Variants in MED12L observed in about 807,000 individuals in gnomAD.
The protein encoded by MED12L is mediator of RNA polymerase II transcription subunit 12-like protein.
MED12L carries 60 observed loss-of-function variants against 281.3 expected under a neutral mutation model. The observed-to-expected ratio is 0.21, with a 90% CI of 0.17 to 0.26. MED12L has a LOEUF of 0.26. Ranked by LOEUF, MED12L falls within the 10% of genes least tolerant of loss-of-function variation. MED12L has a pLI of 1.00. For missense variants in MED12L, 2,146 were observed against 2,680.9 expected (o/e 0.80, Z 4.41); for synonymous variants, 974 against 987.2 (o/e 0.99, Z 0.25).
At chr3:151,098,993 A>G (rs1213694003) in intron 2 of MED12L, among the ~76,000 whole-genome samples, 1 of 151,942 alleles carries the variant, frequency 6.6e-6, no homozygotes, top group Non-Finnish European at 1.5e-5. Flanking sequence ...AACCAAGTGA[A>G]AGGGAAAACC....
At chr3:151,334,076 C>CA (rs555191237) in intron 16 of MED12L, among the ~76,000 whole-genome samples, 86 of 146,016 alleles carry the variant, frequency 5.9e-4, no homozygotes, top group Non-Finnish European at 9.2e-4. Context: ...GACTCTATCT[C>CA]AAAAAAAAGA....
intron 16 of MED12L, among the ~76,000 whole-genome samples, chr3:151,341,912 AT>A (rs1230940560): frequency 6.6e-6 from 1 of 152,196 alleles, no homozygotes; most frequent in African/African-American, 2.4e-5. Flanking sequence ...TGAACTCATC[AT>A]TTTTTATGGC....
At chr3:151,275,884 A>G (rs1741768952) in intron 16 of MED12L, among the ~76,000 whole-genome samples, 2 of 152,142 alleles carry the variant, frequency 1.3e-5, no homozygotes, top group South Asian at 2.1e-4. Context: ...TTAGGAGGCA[A>G]TGCATCTTTT....
intron 16 of MED12L, among the ~76,000 whole-genome samples, chr3:151,312,232 A>C (rs766766263): frequency 1.3e-5 from 2 of 152,186 alleles, no homozygotes; most frequent in Non-Finnish European, 2.9e-5. Flanking sequence ...GAGTATAGCA[A>C]ATCCTCAAAT....
In MED12L at chr3:151,156,238, A is replaced by G. The variant is rs1300826085; in HGVS notation, c.634A>G (p.Thr212Ala). The change falls in exon 6 of 45, where the codon ACG (threonine) becomes GCG (alanine). Residue 212 changes from threonine to alanine, a missense_variant. Coordinates refer to ENST00000687756, the MANE Select transcript of MED12L (RefSeq NM_001393769.1). Reference protein sequence around the residue: ...ISDFYHMASSTGDGPVPVPPE... With the variant: ...ISDFYHMASSAGDGPVPVPPE... ...TGACTTTTACCACATGGCCTCCAGC[A>G]CGGGCGATGGCCCTGTCCCTGTGCC... 1.2e-6 allele frequency: 2 copies of G among 1,613,648 alleles called. No homozygotes were observed. Among genetic ancestry groups the G allele is most frequent in the Non-Finnish European group, 1.7e-6 (2 of 1,179,860 alleles).
At position 151,085,715 on chromosome 3, in the gene MED12L, C is replaced by G. The variant is rs1423697463; in HGVS notation, c.-351C>G. The G allele has an allele frequency of 1.3e-5, 2 of 152,100 alleles. No individual in the cohort carries two copies. Among genetic ancestry groups the G allele is most frequent in the Non-Finnish European group, 2.9e-5 (2 of 67,986 alleles). The allele number at this position is 152,100 out of a possible 1,614,324, so 9.4% of individuals were successfully genotyped here. On this transcript the variant is annotated 5_prime_UTR_variant, in exon 1 of 45. Coordinates refer to ENST00000687756, the MANE Select transcript of MED12L (RefSeq NM_001393769.1). Reference sequence around the variant, plus strand: ...GTCCGCCAACTCGGAAGCTCGCGCTCCCGGGCCGTGGGGGCGAGAACGCCG... The same window carrying G: ...GTCCGCCAACTCGGAAGCTCGCGCTGCCGGGCCGTGGGGGCGAGAACGCCG...
At chr3:151,334,083 A>C (rs1294671088) in intron 16 of MED12L, among the ~76,000 whole-genome samples, 1 of 152,116 alleles carries the variant, frequency 6.6e-6, no homozygotes, top group Non-Finnish European at 1.5e-5. Flanking sequence ...TCTCAAAAAA[A>C]AGAAAAAAAA....
intron 16 of MED12L, chr3:151,294,677 T>C (rs1744821739): frequency 3.7e-6 from 6 of 1,614,104 alleles, no homozygotes; most frequent in Middle Eastern, 1.6e-4. Context: ...TGAGCAGTCA[T>C]GGATATTGTC....
In MED12L at chr3:151,435,295, T is replaced by C. The variant is rs981068807; in HGVS notation, c.*2491T>C. On this transcript the variant is annotated 3_prime_UTR_variant, in exon 45 of 45. Transcript: ENST00000687756. ...TTGGATATAAGAAGCCCATAGACTCTCTTGTTTACACTGTAGGCTTTTTCT... is the reference window on the plus strand; with the variant it reads ...TTGGATATAAGAAGCCCATAGACTCCCTTGTTTACACTGTAGGCTTTTTCT... The C allele has an allele frequency of 6.6e-6, 1 of 152,110 alleles. No homozygotes were observed. Among genetic ancestry groups the C allele is most frequent in the African/African-American group, 2.4e-5 (1 of 41,406 alleles). 9.4% of individuals were successfully genotyped at this position (152,110 alleles called of 1,614,324 possible).
At chr3:151,294,241 A>C (rs745403866) in intron 16 of MED12L, 10 of 1,613,810 alleles carry the variant, frequency 6.2e-6, no homozygotes, top group Non-Finnish European at 8.5e-6. Flanking sequence ...TGATGCTTTC[A>C]CTCCTGGTTC....
At chr3:151,164,676 A>G (rs1176647093) in intron 9 of MED12L, among the ~76,000 whole-genome samples, 1 of 152,236 alleles carries the variant, frequency 6.6e-6, no homozygotes, top group Non-Finnish European at 1.5e-5. Context: ...ACCATAAAAA[A>G]TGATGAGTTC....
intron 16 of MED12L, among the ~76,000 whole-genome samples, chr3:151,242,480 CTG>C (rs1283132507): frequency 6.6e-6 from 1 of 151,994 alleles, no homozygotes; most frequent in East Asian, 1.9e-4. Context: ...AGCAGCCTAA[CTG>C]GGAGGCACCC....
At chr3:151,161,740 G>T (rs1549829) in intron 8 of MED12L, among the ~76,000 whole-genome samples, 14,614 of 152,178 alleles carry the variant, frequency 0.096, 956 homozygotes, top group Middle Eastern at 0.16. Context: ...CAAGAAAGTG[G>T]CAAAGCTGGA....
chr3:151,183,425 A>G (rs1439940109), intron 11 of MED12L, among the ~76,000 whole-genome samples: 5 of 152,054 alleles, frequency 3.3e-5, no homozygotes, highest in African/African-American at 9.7e-5. Flanking sequence ...CCCAGATGAG[A>G]TTTGTCTTTC....
At chr3:151,390,701 G>A (rs937312624) in intron 38 of MED12L, among the ~76,000 whole-genome samples, 1 of 152,142 alleles carries the variant, frequency 6.6e-6, no homozygotes, top group Non-Finnish European at 1.5e-5. Flanking sequence ...ATGAAACATT[G>A]CATGTTTTAG....
rs945768712 is a variant in MED12L at position 151,394,995 on chromosome 3, A to G, written c.5820+128A>G. The G allele has an allele frequency of 5.5e-5, 66 of 1,198,458 alleles. 1 individual carries two copies. The highest frequency in any genetic ancestry group is 4.4e-4 in the African/African-American group (29 of 65,674). 74.2% of individuals were successfully genotyped at this position (1,198,458 alleles called of 1,614,324 possible). On this transcript the variant is annotated intron_variant, in intron 39 of 44. Transcript: ENST00000687756. ...TGTATACTTGTGTGAGTGCAGGTCT[A>G]TCTCTCTGTTACAGGCTTGTAAATA... is the stretch of plus-strand genomic sequence containing the variant.
chr3:151,305,603 G>T (rs1230743097), intron 16 of MED12L, among the ~76,000 whole-genome samples: 3 of 152,072 alleles, frequency 2.0e-5, no homozygotes, highest in Non-Finnish European at 2.9e-5. Flanking sequence ...TAATTAAGTT[G>T]CCCTGACTCA....
At chr3:151,276,665 A>G (rs1480068842) in intron 16 of MED12L, among the ~76,000 whole-genome samples, 1 of 152,222 alleles carries the variant, frequency 6.6e-6, no homozygotes, top group Non-Finnish European at 1.5e-5. Context: ...GAAGCACTTT[A>G]TAGAGTGAAC....
intron 13 of MED12L, among the ~76,000 whole-genome samples, chr3:151,189,443 A>G (rs1226960159): frequency 6.6e-6 from 1 of 152,244 alleles, no homozygotes; most frequent in Non-Finnish European, 1.5e-5. Context: ...TCAGGCATGA[A>G]GTTAGCAGTT....
Sources: gnomAD v4.1 joint callset for allele counts (sites outside exome capture counted in the v4.1 genomes callset) on GRCh38, gnomAD v4.1.1 for gene constraint, MANE v1.5 for transcripts, NCBI Gene and HGNC (gene_info 2026-07-23, HGNC 2026-07-21) for gene names.